The following KCNQ1 variants were observed in gnomAD, a reference collection of about 807,000 sequenced individuals.
The protein encoded by KCNQ1 is potassium voltage-gated channel subfamily Q member 1, also known as potassium voltage-gated channel subfamily KQT member 1.
In KCNQ1, 49 loss-of-function variants were observed where a neutral mutation model predicts 72.4. That is an observed-to-expected ratio of 0.68 (90% CI 0.54 to 0.86). KCNQ1 has a LOEUF of 0.86. Ranked by LOEUF, KCNQ1 falls within the 40% of genes least tolerant of loss-of-function variation. The probability of loss-of-function intolerance (pLI) is 0.00; values close to 1 mark genes in which losing one functional copy is unlikely to be tolerated. For missense variants in KCNQ1, 790 were observed against 945.1 expected (o/e 0.84, Z 2.15); for synonymous variants, 450 against 412.6 (o/e 1.09, Z -1.10).
chr11:2,656,896 A>T (rs542993308), intron 10 of KCNQ1: 11 of 398,606 alleles, frequency 2.8e-5, no homozygotes, highest in African/African-American at 2.3e-4. Context: ...AATTTTTGGT[A>T]TATGATGTGA....
In KCNQ1 at chr11:2,687,176, C is replaced by T; in HGVS notation, c.1514+25095C>T. ...TCCTCCACAAAGCACAGAAGTCTGC[C>T]AAAAGCCCAGGCTGGATAGGGAGCA... On this transcript the variant is annotated intron_variant, in intron 11 of 15. Transcript: ENST00000155840. This position sits in a 1 kb window ranked among gnomAD's most constrained non-coding sequence, Gnocchi z 5.0. The T allele has an allele frequency of 2.5e-6, 1 of 398,646 alleles. No homozygotes were observed. The allele number at this position is 398,646 out of a possible 1,614,324, so 24.7% of individuals were successfully genotyped here. A position where few individuals can be genotyped will look rare whatever the true frequency, so the allele number is the denominator to read the frequency against.
rs1251782563 is a variant in KCNQ1, at chr11:2,482,396, ACT to A, written c.386+36917_386+36918del. ...TCCCCTGTGTTATTGAACGTAATCA[ACT>A]CTCTATTGACGGCTGGGTTATTTCC... On this transcript the variant is annotated intron_variant, in intron 1 of 15. Transcript: ENST00000155840. The surrounding 1 kb of genome is among the most constrained non-coding windows in gnomAD (Gnocchi z 5.7). Among the ~76,000 whole-genome samples, 4 of 152,106 alleles carry A rather than the reference ACT, an allele frequency of 2.6e-5. No individual in the cohort carries two copies. The South Asian group carries it at 8.3e-4, about 32-fold the overall frequency.
Position 2,671,833 on chromosome 11 carries a change from T to C in KCNQ1, c.1514+9752T>C. On this transcript the variant is annotated intron_variant, in intron 11 of 15. Coordinates refer to ENST00000155840, the MANE Select transcript of KCNQ1 (RefSeq NM_000218.3). The surrounding 1 kb of genome is among the most constrained non-coding windows in gnomAD (Gnocchi z 4.7). ...AATCCCTGCAACCCCACTGTGGTTATAGGTCTGAGCCTTCTGCCCCAGGGA... is the reference window on the plus strand; with the variant it reads ...AATCCCTGCAACCCCACTGTGGTTACAGGTCTGAGCCTTCTGCCCCAGGGA... The C allele has an allele frequency of 2.5e-6, 1 of 398,786 alleles. No individual in the cohort carries two copies. Among genetic ancestry groups the C allele is most frequent in the Admixed American group, 4.4e-5 (1 of 22,746 alleles). The allele number at this position is 398,786 out of a possible 1,614,324, so 24.7% of individuals were successfully genotyped here. A position where few individuals can be genotyped will look rare whatever the true frequency, so the allele number is the denominator to read the frequency against.
Position 2,478,114 on chromosome 11 carries a change from T to C in KCNQ1, c.386+32630T>C, listed in dbSNP as rs1846599209. On this transcript the variant is annotated intron_variant, in intron 1 of 15. Coordinates refer to ENST00000155840, the MANE Select transcript of KCNQ1 (RefSeq NM_000218.3). The surrounding 1 kb of genome is among the most constrained non-coding windows in gnomAD (Gnocchi z 4.0). ...CCACCCTCCGGATGGACAGCCTCGG[T>C]AGCAGAACTCCTGCCAAAGACACAG... Among the ~76,000 whole-genome samples, 1 of 151,806 alleles carries C rather than the reference T, an allele frequency of 6.6e-6. No homozygotes were observed. Among genetic ancestry groups the C allele is most frequent in the Non-Finnish European group, 1.5e-5 (1 of 68,016 alleles).
chr11:2,683,489 C>A lies in KCNQ1; in HGVS notation c.1514+21408C>A, dbSNP rs958107429. 2 of 398,464 alleles carry A rather than the reference C, an allele frequency of 5.0e-6. No individual in the cohort carries two copies. Among genetic ancestry groups the A allele is most frequent in the African/African-American group, 4.1e-5 (2 of 48,618 alleles). The allele number at this position is 398,464 out of a possible 1,614,324, so 24.7% of individuals were successfully genotyped here. On this transcript the variant is annotated intron_variant, in intron 11 of 15. Coordinates refer to ENST00000155840, the MANE Select transcript of KCNQ1 (RefSeq NM_000218.3). The surrounding 1 kb of genome is among the most constrained non-coding windows in gnomAD (Gnocchi z 4.7). ...ATCAATGACAGTTTTCCTATTAAAA[C>A]ATAACTTGTTAAAGCATAGAGCTTA... is the stretch of plus-strand genomic sequence containing the variant.
At position 2,507,299 on chromosome 11, in the gene KCNQ1, C is replaced by T. The variant is rs543879434; in HGVS notation, c.387-20629C>T. Among the ~76,000 whole-genome samples, 8 of 152,284 alleles carry T rather than the reference C, an allele frequency of 5.3e-5. No homozygotes were observed. In the East Asian group the frequency reaches 1.5e-3, roughly 29 times the overall value. The stretch of plus-strand genomic sequence containing the variant: ...TAGAAGTTCACCCCACTGGCTGGGG[C>T]CTTCACGAGGCCCCTCTGGCCTCTA... On this transcript the variant is annotated intron_variant, in intron 1 of 15. Coordinates refer to ENST00000155840, the MANE Select transcript of KCNQ1 (RefSeq NM_000218.3). This position sits in a 1 kb window ranked among gnomAD's most constrained non-coding sequence, Gnocchi z 5.4.
At chr11:2,834,616 G>T (rs569871678) in intron 15 of KCNQ1, among the ~76,000 whole-genome samples, 1 of 152,234 alleles carries the variant, frequency 6.6e-6, no homozygotes, top group Non-Finnish European at 1.5e-5. Flanking sequence ...CAGAGGCAGG[G>T]AGGCGCTTGA....
At chr11:2,844,039 C>T (rs775019263) in intron 15 of KCNQ1, among the ~76,000 whole-genome samples, 2 of 152,214 alleles carry the variant, frequency 1.3e-5, no homozygotes, top group Non-Finnish European at 1.5e-5. Context: ...GGCACCTGCC[C>T]GGATGCACCT....
Position 2,808,893 on chromosome 11 carries a change from A to G in KCNQ1, c.1794+30856A>G, listed in dbSNP as rs976297785. On this transcript the variant is annotated intron_variant, in intron 15 of 15. Coordinates refer to ENST00000155840, the MANE Select transcript of KCNQ1 (RefSeq NM_000218.3). This position sits in a 1 kb window ranked among gnomAD's most constrained non-coding sequence, Gnocchi z 6.0. ...GGATGGATGGATGAACACATGGACA[A>G]TGGGTGGGTAGATGGGTGAATAGAT... 6.6e-6 allele frequency among the ~76,000 whole-genome samples: 1 copy of G among 151,896 alleles called. No individual in the cohort carries two copies. Among genetic ancestry groups the G allele is most frequent in the African/African-American group, 2.4e-5 (1 of 41,368 alleles).
intron 11 of KCNQ1, among the ~76,000 whole-genome samples, chr11:2,742,277 G>T (rs2133953430): frequency 6.6e-6 from 1 of 152,338 alleles, no homozygotes; most frequent in Non-Finnish European, 1.5e-5. Context: ...GATGGGCAGG[G>T]CAGTCCAGGG....
In KCNQ1 at chr11:2,734,856, G is replaced by A. The variant is rs1845928445; in HGVS notation, c.1515-33988G>A. ...AATAGGGATGACCTCCTGTGCTGGG[G>A]CCTGGCTGTGGCTTCCCAGGCCCCG... On this transcript the variant is annotated intron_variant, in intron 11 of 15. Transcript: ENST00000155840. The surrounding 1 kb of genome is among the most constrained non-coding windows in gnomAD (Gnocchi z 7.0). 6.6e-6 allele frequency among the ~76,000 whole-genome samples: 1 copy of A among 152,070 alleles called. No individual in the cohort carries two copies. Among genetic ancestry groups the A allele is most frequent in the African/African-American group, 2.4e-5 (1 of 41,422 alleles).
At chr11:2,699,895 T>G (rs1038115350) in intron 11 of KCNQ1, 2 of 397,880 alleles carry the variant, frequency 5.0e-6, no homozygotes, top group African/African-American at 4.1e-5. Flanking sequence ...AGGACCACGC[T>G]GAGAGGCACC....
intron 10 of KCNQ1, among the ~76,000 whole-genome samples, chr11:2,596,880 G>A (rs1116715): frequency 0.19 from 28,089 of 150,976 alleles, 3,366 homozygotes; most frequent in African/African-American, 0.31. Flanking sequence ...AATATATAAT[G>A]TAAATATATA....
At chr11:2,604,259 C>T (rs1401072699) in intron 10 of KCNQ1, among the ~76,000 whole-genome samples, 2 of 151,496 alleles carry the variant, frequency 1.3e-5, no homozygotes, top group African/African-American at 4.8e-5. Flanking sequence ...AGGTGGATCA[C>T]CTGAGGTCAG....
At chr11:2,802,230 G>A (rs923265029) in intron 15 of KCNQ1, among the ~76,000 whole-genome samples, 5 of 152,198 alleles carry the variant, frequency 3.3e-5, no homozygotes, top group African/African-American at 1.2e-4. Flanking sequence ...CCTGGTCTGT[G>A]AGCTGTCGCC....
rs1056974147 is a variant in KCNQ1 at position 2,536,598 on chromosome 11, C to A, written c.477+8580C>A. ...CTTCTTGGGACCTCCCTCTCTCAGG[C>A]GGGTCTGGAACCCAACAGAGCTGGT... On this transcript the variant is annotated intron_variant, in intron 2 of 15. Coordinates refer to ENST00000155840, the MANE Select transcript of KCNQ1 (RefSeq NM_000218.3). This position sits in a 1 kb window ranked among gnomAD's most constrained non-coding sequence, Gnocchi z 7.4. Among the ~76,000 whole-genome samples, 8 of 152,198 alleles carry A rather than the reference C, an allele frequency of 5.3e-5. No individual in the cohort carries two copies. The highest frequency in any genetic ancestry group is 1.2e-4 in the African/African-American group (5 of 41,464).
chr11:2,669,288 C>T lies in KCNQ1; in HGVS notation c.1514+7207C>T, dbSNP rs375226265. The T allele has an allele frequency of 4.0e-5, 16 of 398,686 alleles. 2 individuals are homozygous for T. The highest frequency in any genetic ancestry group is 2.7e-4 in the African/African-American group (13 of 48,768). 24.7% of individuals were successfully genotyped at this position (398,686 alleles called of 1,614,324 possible). On this transcript the variant is annotated intron_variant, in intron 11 of 15. Transcript: ENST00000155840. This position sits in a 1 kb window ranked among gnomAD's most constrained non-coding sequence, Gnocchi z 5.6. ...CTTTGCTGTCTTTGCAGGGTTTCTCCTCACCATACATATGCCAGTTGCCAT... is the reference window on the plus strand; with the variant it reads ...CTTTGCTGTCTTTGCAGGGTTTCTCTTCACCATACATATGCCAGTTGCCAT...
rs570190446 is a variant in KCNQ1 at position 2,451,670 on chromosome 11, C to T, written c.386+6186C>T. ...TCTGCCTGGCCGCCTCTGGCAGGAA[C>T]TTCTCCTGATGGAAGAGCCGGGCTG... On this transcript the variant is annotated intron_variant, in intron 1 of 15. Transcript: ENST00000155840. This position sits in a 1 kb window ranked among gnomAD's most constrained non-coding sequence, Gnocchi z 6.4. Among the ~76,000 whole-genome samples the T allele has an allele frequency of 9.8e-5, 15 of 152,346 alleles. No individual in the cohort carries two copies. Among genetic ancestry groups the T allele is most frequent in the African/African-American group, 3.4e-4 (14 of 41,586 alleles).
At chr11:2,501,040 G>A (rs1010046777) in intron 1 of KCNQ1, among the ~76,000 whole-genome samples, 3 of 152,112 alleles carry the variant, frequency 2.0e-5, no homozygotes, top group Non-Finnish European at 2.9e-5. Context: ...TACAGCAAAA[G>A]CAGTATTAAG....
Sources: gnomAD v4.1 joint callset for allele counts (sites outside exome capture counted in the v4.1 genomes callset) on GRCh38, gnomAD v4.1.1 for gene constraint, Gnocchi (gnomAD v3.1) non-coding constraint, MANE v1.5 for transcripts, NCBI Gene and HGNC (gene_info 2026-07-23, HGNC 2026-07-21) for gene names.